The following SMAD4 variants were observed in gnomAD, a reference collection of about 807,000 sequenced individuals.
SMAD4 encodes MAD homolog 4.
A neutral mutation model predicts 63.2 loss-of-function variants in SMAD4; 7 were observed. That is an observed-to-expected ratio of 0.11 (90% CI 0.06 to 0.21). The LOEUF (loss-of-function observed/expected upper bound fraction) is 0.21. Among genes scored for constraint, SMAD4 ranks in the 10% least tolerant of loss-of-function variants. The pLI is 1.00. For synonymous variants in SMAD4, 215 were observed against 235.4 expected, an observed-to-expected ratio of 0.91 and a Z score of 0.79; for missense variants, 312 against 693.8, an observed-to-expected ratio of 0.45 and a Z score of 6.18.
chr18:51,064,343 C>T lies in SMAD4; in HGVS notation c.956-1080C>T, dbSNP rs775379500. Among the ~76,000 whole-genome samples, 5 of 152,182 alleles carry T rather than the reference C, an allele frequency of 3.3e-5. No homozygotes were observed. In the East Asian group the frequency reaches 5.8e-4, roughly 18 times the overall value. Reference sequence around the variant, plus strand: ...CTACCATCCAGTCTGAAGTGTTCTTCCCAATCATCTGCTGTTCCATACCCT... The same window carrying T: ...CTACCATCCAGTCTGAAGTGTTCTTTCCAATCATCTGCTGTTCCATACCCT... On this transcript the variant is annotated intron_variant, in intron 8 of 11. Transcript: ENST00000342988.
chr18:51,066,517 C>T (rs1416819864), intron 9 of SMAD4, among the ~76,000 whole-genome samples: 1 of 152,120 alleles, frequency 6.6e-6, no homozygotes, highest in African/African-American at 2.4e-5. Flanking sequence ...AATTACCTAA[C>T]CTCTAAGCCA....
intron 1 of SMAD4, among the ~76,000 whole-genome samples, chr18:51,030,875 A>C (rs189383531): frequency 6.6e-6 from 1 of 151,374 alleles, no homozygotes; most frequent in Non-Finnish European, 1.5e-5. Context: ...GAATCAAGTT[A>C]AACTCGGACG....
In SMAD4 at chr18:51,047,839, C is replaced by T. The variant is rs564524740; in HGVS notation, c.249+544C>T. ...GGTCAGGCTGGTCTTGAACCGCTGACCTCAGGTGATCCACCCGCCTCAGCC... is the reference window on the plus strand; with the variant it reads ...GGTCAGGCTGGTCTTGAACCGCTGATCTCAGGTGATCCACCCGCCTCAGCC... On this transcript the variant is annotated intron_variant, in intron 2 of 11. Transcript: ENST00000342988. Among the ~76,000 whole-genome samples, 6 of 152,256 alleles carry T rather than the reference C, an allele frequency of 3.9e-5. No individual in the cohort carries two copies. In the South Asian group the frequency reaches 1.0e-3, roughly 26 times the overall value.
chr18:51,066,962 A>G (rs2144451365), intron 9 of SMAD4, 57 bp from the exon 10 acceptor site: 1 of 1,390,104 alleles, frequency 7.2e-7, no homozygotes, highest in Non-Finnish European at 1.0e-6. Flanking sequence ...AATCTGAACT[A>G]AAATTTAATT....
At chr18:51,077,854 T>A (rs1910509145) in intron 11 of SMAD4, among the ~76,000 whole-genome samples, 1 of 152,208 alleles carries the variant, frequency 6.6e-6, no homozygotes, top group Non-Finnish European at 1.5e-5. Flanking sequence ...TATTAACTGC[T>A]TCATTATTAG....
chr18:51,046,229 C>T (rs1176014002), intron 1 of SMAD4, among the ~76,000 whole-genome samples: 2 of 152,046 alleles, frequency 1.3e-5, no homozygotes, highest in African/African-American at 4.8e-5. Context: ...ATCCCAGCAC[C>T]AAGGAGTGAG....
rs1163220818 is a variant in SMAD4 at position 51,080,442 on chromosome 18, A to G, written c.*1975A>G. ...TCTAGAAATTGCTAACTTTAGGTCC[A>G]TTTTACTGTGAATGAGGAATAGGAG... On this transcript the variant is annotated 3_prime_UTR_variant, in exon 12 of 12. Coordinates refer to ENST00000342988, the MANE Select transcript of SMAD4 (RefSeq NM_005359.6). 4.4e-6 allele frequency: 1 copy of G among 229,632 alleles called. No individual in the cohort carries two copies. The highest frequency in any genetic ancestry group is 2.2e-5 in the African/African-American group (1 of 45,174). The allele number at this position is 229,632 out of a possible 1,614,324, so 14.2% of individuals were successfully genotyped here.
intron 10 of SMAD4, among the ~76,000 whole-genome samples, chr18:51,075,890 A>G (rs1242479982): frequency 1.3e-5 from 2 of 152,208 alleles, no homozygotes; most frequent in East Asian, 3.8e-4. Flanking sequence ...TAGCATTCCC[A>G]TTTTATAGAT....
Position 51,078,500 on chromosome 18 carries a change from A to G in SMAD4, c.*33A>G, listed in dbSNP as rs1298180219. On this transcript the variant is annotated 3_prime_UTR_variant, in exon 12 of 12. Coordinates refer to ENST00000342988, the MANE Select transcript of SMAD4 (RefSeq NM_005359.6). ...TACCGTTGGGGCCCTTAACCTTATC[A>G]GGATGGTGGACTACAAAATACAATC... The G allele has an allele frequency of 2.1e-6, 3 of 1,400,522 alleles. No homozygotes were observed. The highest frequency in any genetic ancestry group is 3.0e-6 in the Non-Finnish European group (3 of 989,662). The allele number at this position is 1,400,522 out of a possible 1,614,324, so 86.8% of individuals were successfully genotyped here.
chr18:51,073,380 T>TAC (rs1910372899), intron 10 of SMAD4, among the ~76,000 whole-genome samples: 1 of 88,002 alleles, frequency 1.1e-5, no homozygotes, highest in African/African-American at 4.2e-5. Context: ...TATATATATA[T>TAC]ATATATATAC....
rs911207966 is a variant in SMAD4, at chr18:51,030,321, CGCTCTCCTCGGGAGGCCCTTCCT to C, written c.-422_-400del. On this transcript the variant is annotated 5_prime_UTR_variant, in exon 1 of 12. The change abolishes the stop of an existing upstream ORF in the 5' untranslated region. Transcript: ENST00000342988. ...GGCGGAGCCTGCGTTCGCGCCTTCC[CGCTCTCCTCGGGAGGCCCTTCCT>C]GCTCTCCCCTAGGCTCCGCGGCCGC... 1.2e-4 allele frequency: 18 copies of C among 152,774 alleles called. No individual in the cohort carries two copies. Among genetic ancestry groups the C allele is most frequent in the Admixed American group, 7.2e-4 (11 of 15,308 alleles). The allele number at this position is 152,774 out of a possible 1,614,324, so 9.5% of individuals were successfully genotyped here. A position where few individuals can be genotyped will look rare whatever the true frequency, so the allele number is the denominator to read the frequency against.
chr18:51,058,483 C>CAATT, intron 7 of SMAD4, 27 bp downstream of exon 7: 1 of 1,258,504 alleles, frequency 7.9e-7, no homozygotes. Flanking sequence ...GTTGTAAGGG[C>CAATT]TATTTTTTTT....
chr18:51,052,683 AAAG>A (rs1223616714), intron 4 of SMAD4: 4 of 281,440 alleles, frequency 1.4e-5, no homozygotes, highest in Non-Finnish European at 2.9e-5. Context: ...TATACAGTGA[AAAG>A]AAGTGCTCCC....
intron 10 of SMAD4, among the ~76,000 whole-genome samples, chr18:51,068,370 A>G (rs1249665955): frequency 6.6e-6 from 1 of 152,210 alleles, no homozygotes; most frequent in African/African-American, 2.4e-5. Context: ...GCCAATTCCA[A>G]ACAGCATAGT....
intron 8 of SMAD4, among the ~76,000 whole-genome samples, chr18:51,061,855 G>A (rs1269419075): frequency 1.3e-5 from 2 of 151,982 alleles, no homozygotes; most frequent in East Asian, 1.9e-4. Context: ...AATTTTCTTT[G>A]TGTAAATGTT....
In SMAD4 at chr18:51,058,145, G is replaced by C. The variant is rs1568206043; in HGVS notation, c.688G>C (p.Gly230Arg). ...ASTSQPASIL[G>R]GSHSEGLLQI... is the part of the protein sequence containing the mutation. Reference sequence around the variant, plus strand: ...TCTAGGTCAGCCTGCCAGTATACTGGGGGGCAGCCATAGTGAAGGACTGTT... The same window carrying C: ...TCTAGGTCAGCCTGCCAGTATACTGCGGGGCAGCCATAGTGAAGGACTGTT... Residue 230 changes from glycine (G) to arginine (R), a missense_variant, in exon 6 of 12, where the codon GGG (glycine) becomes CGG (arginine). Around this residue, in one of 4 missense-constraint regions of SMAD4, gnomAD observed 169 missense variants for 211.0 expected, o/e 0.80. Transcript: ENST00000342988. 6.2e-7 allele frequency: 1 copy of C among 1,614,084 alleles called. No homozygotes were observed. The highest frequency in any genetic ancestry group is 8.5e-7 in the Non-Finnish European group (1 of 1,179,972).
At chr18:51,036,263 G>T (rs1025902099) in intron 1 of SMAD4, among the ~76,000 whole-genome samples, 2 of 152,110 alleles carry the variant, frequency 1.3e-5, no homozygotes, top group South Asian at 2.1e-4. Flanking sequence ...TTATAGTAAG[G>T]TATTATTTCT....
At chr18:51,049,405 GT>G in intron 4 of SMAD4, 81 bp downstream of exon 4, 1 of 998,908 alleles carries the variant, frequency 1.0e-6, no homozygotes, top group South Asian at 1.3e-5. Context: ...ATTAGTTTGT[GT>G]GAGCGGCAGG....
rs1053564493 is a variant in SMAD4, at chr18:51,084,801, G to T, written c.*6334G>T. 13 of 230,532 alleles carry T rather than the reference G, an allele frequency of 5.6e-5. No homozygotes were observed. Among genetic ancestry groups the T allele is most frequent in the African/African-American group, 2.9e-4 (13 of 45,180 alleles). The allele number at this position is 230,532 out of a possible 1,614,324, so 14.3% of individuals were successfully genotyped here. A position where few individuals can be genotyped will look rare whatever the true frequency, so the allele number is the denominator to read the frequency against. On this transcript the variant is annotated 3_prime_UTR_variant, in exon 12 of 12. Coordinates refer to ENST00000342988, the MANE Select transcript of SMAD4 (RefSeq NM_005359.6). ...TTGGGGGTTGGGGACAGATTTGGTG[G>T]TGGTATTTCCCAACTGTTTCCTCCC...
Sources: gnomAD v4.1 joint callset for allele counts (sites outside exome capture counted in the v4.1 genomes callset) on GRCh38, gnomAD v4.1.1 for gene constraint, gnomAD v4.1.1 regional missense constraint, MANE v1.5 for transcripts, NCBI Gene and HGNC (gene_info 2026-07-23, HGNC 2026-07-21) for gene names.